Variants in LARGE1 observed in about 807,000 individuals in gnomAD.
The protein encoded by LARGE1 is LARGE xylosyl- and glucuronyltransferase 1, also known as xylosyl- and glucuronyltransferase LARGE1.
A neutral mutation model predicts 87.6 loss-of-function variants in LARGE1; 43 were observed. The ratio of observed to expected loss-of-function variants is 0.49; its 90% CI spans 0.38 to 0.63. The LOEUF (loss-of-function observed/expected upper bound fraction) is 0.63. Ranked by LOEUF, LARGE1 falls within the 30% of genes least tolerant of loss-of-function variation. The probability of loss-of-function intolerance (pLI) is 0.00; values close to 1 mark genes in which losing one functional copy is unlikely to be tolerated. For missense variants in LARGE1, 802 were observed against 1,000.2 expected (o/e 0.80, Z 2.67); for synonymous variants, 434 against 394.6 (o/e 1.10, Z -1.18).
chr22:33,513,720 A>G lies in LARGE1; in HGVS notation c.787+51128T>C, dbSNP rs375569627. ...TTTTCTAATCCCGGAACGCTCCCACATGTGAAAAAGCAGCATCTCTCAGGG... is the reference window on the plus strand; with the variant it reads ...TTTTCTAATCCCGGAACGCTCCCACGTGTGAAAAAGCAGCATCTCTCAGGG... On this transcript the variant is annotated intron_variant, in intron 6 of 14. Coordinates refer to ENST00000397394, the MANE Select transcript of LARGE1 (RefSeq NM_133642.5). 7.9e-5 allele frequency among the ~76,000 whole-genome samples: 12 copies of G among 152,224 alleles called. No individual in the cohort carries two copies. The East Asian group carries it at 1.2e-3, about 15-fold the overall frequency.
the LARGE1 span, among the ~76,000 whole-genome samples, chr22:33,113,934 G>A: frequency 1.3e-5 from 2 of 150,540 alleles, no homozygotes; most frequent in East Asian, 2.0e-4. Flanking sequence ...GCAGTGTTGC[G>A]ATCTTGGCTC....
At chr22:33,228,168 G>A (rs1429666038) in intron 11 of LARGE1, among the ~76,000 whole-genome samples, 2 of 152,204 alleles carry the variant, frequency 1.3e-5, no homozygotes, top group Admixed American at 6.5e-5. Context: ...AAGATAAAAT[G>A]GAATTATACA....
the LARGE1 span, among the ~76,000 whole-genome samples, chr22:33,149,087 C>G: frequency 0.46 from 68,696 of 147,956 alleles, 16,055 homozygotes; most frequent in South Asian, 0.69. Flanking sequence ...GCCCAGGCTG[C>G]AGTGCAGTGG....
chr22:33,649,706 T>A (rs144279042), intron 3 of LARGE1, among the ~76,000 whole-genome samples: 1 of 152,220 alleles, frequency 6.6e-6, no homozygotes, highest in East Asian at 1.9e-4. Context: ...CCCTAATTCA[T>A]CTCCACCATG....
intron 2 of LARGE1, chr22:33,723,860 C>T (rs1383883304): frequency 2.0e-5 from 3 of 152,200 alleles, no homozygotes; most frequent in Non-Finnish European, 4.4e-5. Flanking sequence ...CTGAGCCCAG[C>T]CTTTGGTTGC....
At chr22:33,148,288 T>C in the LARGE1 span, among the ~76,000 whole-genome samples, 2 of 152,260 alleles carry the variant, frequency 1.3e-5, no homozygotes, top group African/African-American at 2.4e-5. Context: ...GCCATCACTA[T>C]AGTTTTTAAC....
At chr22:33,119,773 G>T in the LARGE1 span, among the ~76,000 whole-genome samples, 1 of 152,122 alleles carries the variant, frequency 6.6e-6, no homozygotes. Flanking sequence ...TTTTTTCAAG[G>T]GTATTGTAGG....
chr22:33,842,260 T>C (rs1262712388), intron 1 of LARGE1, among the ~76,000 whole-genome samples: 3 of 152,168 alleles, frequency 2.0e-5, no homozygotes, highest in African/African-American at 7.2e-5. Flanking sequence ...GATTCGCAAC[T>C]CGAAAATGAC....
At chr22:33,235,892 T>C (rs1388839066) in intron 11 of LARGE1, among the ~76,000 whole-genome samples, 1 of 152,158 alleles carries the variant, frequency 6.6e-6, no homozygotes, top group Non-Finnish European at 1.5e-5. Context: ...ATGGCTTTAT[T>C]TTATAGGTTC....
intron 1 of LARGE1, among the ~76,000 whole-genome samples, chr22:33,808,699 T>C (rs1457428190): frequency 5.3e-5 from 8 of 152,234 alleles, no homozygotes; most frequent in Admixed American, 5.2e-4. Flanking sequence ...GGAGTTGCAC[T>C]TCTTTGAGGA....
intron 2 of LARGE1, among the ~76,000 whole-genome samples, chr22:33,730,594 T>C (rs554523852): frequency 2.0e-5 from 3 of 152,348 alleles, no homozygotes; most frequent in African/African-American, 7.2e-5. Context: ...GACTGTATTA[T>C]ACAACATATT....
chr22:33,669,178 G>A (rs2081342352), intron 2 of LARGE1, among the ~76,000 whole-genome samples: 1 of 152,252 alleles, frequency 6.6e-6, no homozygotes, highest in African/African-American at 2.4e-5. Flanking sequence ...ATATCCCTCA[G>A]CTTCAATTAA....
At chr22:33,376,175 A>G (rs1404377939) in intron 9 of LARGE1, among the ~76,000 whole-genome samples, 1 of 152,192 alleles carries the variant, frequency 6.6e-6, no homozygotes, top group Non-Finnish European at 1.5e-5. Flanking sequence ...AAAATTTCCC[A>G]TATGGCTATG....
intron 11 of LARGE1, among the ~76,000 whole-genome samples, chr22:33,307,306 G>A (rs779275994): frequency 6.6e-6 from 1 of 152,176 alleles, no homozygotes; most frequent in Non-Finnish European, 1.5e-5. Context: ...AAGTCACGCA[G>A]TTACAAAGTG....
At chr22:33,087,449 G>T in the LARGE1 span, among the ~76,000 whole-genome samples, 1 of 152,056 alleles carries the variant, frequency 6.6e-6, no homozygotes, top group South Asian at 2.1e-4. Flanking sequence ...CACACTGACT[G>T]GATCAGTGAT....
At chr22:33,275,136 A>G (rs7289316) in intron 14 of LARGE1, among the ~76,000 whole-genome samples, 4,753 of 152,278 alleles carry the variant, frequency 0.031, 238 homozygotes, top group African/African-American at 0.11. Context: ...ATGAAATAAA[A>G]ACAAGTATTT....
intron 6 of LARGE1, among the ~76,000 whole-genome samples, chr22:33,435,517 G>T (rs1233065023): frequency 6.6e-6 from 1 of 152,120 alleles, no homozygotes; most frequent in Non-Finnish European, 1.5e-5. Context: ...TCGGGTGTGT[G>T]TTAGTGTCCT....
At chr22:33,720,098 A>G (rs1053956002) in intron 2 of LARGE1, among the ~76,000 whole-genome samples, 2 of 152,140 alleles carry the variant, frequency 1.3e-5, no homozygotes, top group African/African-American at 4.8e-5. Flanking sequence ...TTATTATTAC[A>G]TTGTAATATA....
chr22:33,084,204 A>G, the LARGE1 span, among the ~76,000 whole-genome samples: 2 of 152,166 alleles, frequency 1.3e-5, no homozygotes, highest in East Asian at 3.8e-4. Context: ...GGTTTCCCCA[A>G]GCTGAGTTAG....
Sources: allele counts gnomAD v4.1 joint callset (sites outside exome capture counted in the v4.1 genomes callset), GRCh38; gene constraint gnomAD v4.1.1; transcripts MANE v1.5; gene names NCBI Gene and HGNC (gene_info 2026-07-23, HGNC 2026-07-21).